TWIST2: variants seen among roughly 807,000 people sequenced by gnomAD.
TWIST2 encodes twist-related protein 2.
In TWIST2, 1 loss-of-function variant was observed where a neutral mutation model predicts 11.6. That is an observed-to-expected ratio of 0.09 (90% CI 0.03 to 0.41). The LOEUF (loss-of-function observed/expected upper bound fraction) is 0.41. Ranked by LOEUF, TWIST2 falls within the 10% of genes least tolerant of loss-of-function variation. TWIST2 has a pLI of 0.98. For synonymous variants in TWIST2, 87 were observed against 96.6 expected (o/e 0.90, Z 0.58); for missense variants, 168 against 226.4 (o/e 0.74, Z 1.66).
intron 1 of TWIST2, among the ~76,000 whole-genome samples, chr2:238,894,609 C>T (rs1693186089): frequency 6.6e-6 from 1 of 152,196 alleles, no homozygotes; most frequent in South Asian, 2.1e-4. Context: ...TCCTGGCCTC[C>T]TTGTCGCTTT....
intron 1 of TWIST2, among the ~76,000 whole-genome samples, chr2:238,907,710 C>T (rs1328107980): frequency 6.6e-6 from 1 of 151,458 alleles, no homozygotes; most frequent in East Asian, 1.9e-4. Flanking sequence ...CACAAATGCA[C>T]ACAATACACA....
chr2:238,869,862 C>A (rs1186312508), intron 1 of TWIST2, among the ~76,000 whole-genome samples: 1 of 152,084 alleles, frequency 6.6e-6, no homozygotes, highest in African/African-American at 2.4e-5. Context: ...GCAGGAGGAT[C>A]ACTTGAGTCC....
At chr2:238,902,299 G>A (rs1226356318) in intron 1 of TWIST2, among the ~76,000 whole-genome samples, 2 of 151,144 alleles carry the variant, frequency 1.3e-5, no homozygotes, top group Non-Finnish European at 3.0e-5. Flanking sequence ...GTGATATGGA[G>A]TATGTGTGTG....
rs1693105597 is a variant in TWIST2 at position 238,890,108 on chromosome 2, G to A, written c.*36-19734G>A. ...GTTCTTAAAGACATCCCTGGAGAGC[G>A]AGGTTCACCTGGGGCAGTGGAGCAT... On this transcript the variant is annotated intron_variant, in intron 1 of 1. Coordinates refer to ENST00000612363, the MANE Select transcript of TWIST2 (RefSeq NM_001271893.4). Among the ~76,000 whole-genome samples, 2 of 152,234 alleles carry A rather than the reference G, an allele frequency of 1.3e-5. 1 individual carries two copies. Among genetic ancestry groups the A allele is most frequent in the South Asian group, 4.1e-4 (2 of 4,828 alleles).
chr2:238,857,809 C>T (rs192159518), intron 1 of TWIST2, among the ~76,000 whole-genome samples: 91 of 152,168 alleles, frequency 6.0e-4, no homozygotes, highest in Non-Finnish European at 1.1e-3. Flanking sequence ...TGGTGGCACA[C>T]GGCTGTAATC....
intron 1 of TWIST2, among the ~76,000 whole-genome samples, chr2:238,881,574 T>C (rs1408862135): frequency 1.3e-5 from 2 of 152,124 alleles, no homozygotes; most frequent in East Asian, 3.8e-4. Context: ...AATTTATTAG[T>C]ATTAGTGTCA....
At position 238,863,625 on chromosome 2, in the gene TWIST2, T is replaced by A. The variant is rs778911172; in HGVS notation, c.*35+14892T>A. On this transcript the variant is annotated intron_variant, in intron 1 of 1. Transcript: ENST00000612363. The surrounding 1 kb of genome is among the most constrained non-coding windows in gnomAD (Gnocchi z 4.7). ...TCACTCCTCTCTACGTAGTTGGGGA[T>A]ATCTGTTGTTAACCATAAACCACTT... 2.0e-5 allele frequency among the ~76,000 whole-genome samples: 3 copies of A among 152,158 alleles called. No homozygotes were observed. The highest frequency in any genetic ancestry group is 4.4e-5 in the Non-Finnish European group (3 of 68,036).
At chr2:238,856,216 A>G (rs1344392894) in intron 1 of TWIST2, among the ~76,000 whole-genome samples, 1 of 152,196 alleles carries the variant, frequency 6.6e-6, no homozygotes, top group Non-Finnish European at 1.5e-5. Flanking sequence ...GCGAGCTGGC[A>G]GCATTGGAAG....
intron 1 of TWIST2, among the ~76,000 whole-genome samples, chr2:238,870,160 A>C (rs1411824989): frequency 5.8e-4 from 40 of 69,126 alleles, no homozygotes; most frequent in Admixed American, 1.5e-3. Context: ...ACCACACCCC[A>C]CACACACCAC....
chr2:238,848,884 C>T (rs1692185024), intron 1 of TWIST2, among the ~76,000 whole-genome samples, 151 bp downstream of exon 1: 2 of 152,006 alleles, frequency 1.3e-5, no homozygotes, highest in Non-Finnish European at 2.9e-5. Flanking sequence ...GCAAGGAAGG[C>T]GGGCGGGCGG....
intron 1 of TWIST2, among the ~76,000 whole-genome samples, chr2:238,868,841 C>T (rs531838894): frequency 8.5e-5 from 13 of 152,350 alleles, no homozygotes; most frequent in East Asian, 5.8e-4. Context: ...CGCTGCGTGC[C>T]GGCCGGTGCA....
chr2:238,887,141 T>A (rs1693053737), intron 1 of TWIST2: 1 of 152,034 alleles, frequency 6.6e-6, no homozygotes, highest in Non-Finnish European at 1.5e-5. Flanking sequence ...GCCAACACCA[T>A]CTCGGTGTCC....
At chr2:238,857,569 G>A (rs1692353620) in intron 1 of TWIST2, among the ~76,000 whole-genome samples, 1 of 151,920 alleles carries the variant, frequency 6.6e-6, no homozygotes. Flanking sequence ...GCTGAAAGAA[G>A]CCAAACGACC....
intron 1 of TWIST2, among the ~76,000 whole-genome samples, chr2:238,905,852 TGTGCGTGTGTGTGC>T (rs1296004543): frequency 3.2e-4 from 14 of 43,358 alleles, no homozygotes; most frequent in African/African-American, 8.3e-4. Flanking sequence ...TGTGTGTGTG[TGTGCGTGTGTGTGC>T]GTGCGTGTGT....
intron 1 of TWIST2, among the ~76,000 whole-genome samples, chr2:238,891,302 G>A (rs905254190): frequency 6.6e-6 from 1 of 152,244 alleles, no homozygotes; most frequent in Admixed American, 6.5e-5. Context: ...CAGCAGAGCT[G>A]TGCTTGTGAA....
At chr2:238,874,790 G>A (rs1692773353) in intron 1 of TWIST2, among the ~76,000 whole-genome samples, 1 of 152,060 alleles carries the variant, frequency 6.6e-6, no homozygotes, top group Non-Finnish European at 1.5e-5. Flanking sequence ...CAGCACTTGG[G>A]TGTGCACCTG....
chr2:238,868,329 C>T (rs1249505196), intron 1 of TWIST2, among the ~76,000 whole-genome samples: 2 of 152,220 alleles, frequency 1.3e-5, no homozygotes, highest in Admixed American at 6.5e-5. Context: ...GCCCCCCGCC[C>T]CCCAGCCTGC....
At chr2:238,901,903 G>A (rs1693272594) in intron 1 of TWIST2, among the ~76,000 whole-genome samples, 1 of 152,146 alleles carries the variant, frequency 6.6e-6, no homozygotes, top group African/African-American at 2.4e-5. Context: ...CAGGGTTGAG[G>A]GTGTGGTGGG....
chr2:238,859,314 G>A lies in TWIST2; in HGVS notation c.*35+10581G>A, dbSNP rs531493107. Among the ~76,000 whole-genome samples the A allele has an allele frequency of 2.0e-5, 3 of 151,878 alleles. No individual in the cohort carries two copies. The East Asian group carries it at 5.8e-4, about 29-fold the overall frequency. ...CAGATGACTACATATTGTGATATTT[G>A]GGATTTCATTTATATGAAATGTCCC... On this transcript the variant is annotated intron_variant, in intron 1 of 1. Coordinates refer to ENST00000612363, the MANE Select transcript of TWIST2 (RefSeq NM_001271893.4).
Sources: gnomAD v4.1 joint callset for allele counts (sites outside exome capture counted in the v4.1 genomes callset) on GRCh38, gnomAD v4.1.1 for gene constraint, Gnocchi (gnomAD v3.1) non-coding constraint, MANE v1.5 for transcripts, NCBI Gene and HGNC (gene_info 2026-07-23, HGNC 2026-07-21) for gene names.